Variants in YAF2 observed in about 807,000 individuals in gnomAD.
YAF2 encodes the protein YY1-associated factor 2.
In YAF2, 7 loss-of-function variants were observed where a neutral mutation model predicts 20.1. That is an observed-to-expected ratio of 0.35 (90% CI 0.20 to 0.65). YAF2 has a LOEUF of 0.65. Ranked by LOEUF, YAF2 falls within the 30% of genes least tolerant of loss-of-function variation. The pLI is 0.69. For missense variants in YAF2, 151 were observed against 219.2 expected, an observed-to-expected ratio of 0.69 and a Z score of 1.96; for synonymous variants, 74 against 76.0, an observed-to-expected ratio of 0.97 and a Z score of 0.14.
intron 2 of YAF2, among the ~76,000 whole-genome samples, chr12:42,209,821 A>T (rs539089290): frequency 6.6e-6 from 1 of 152,330 alleles, no homozygotes; most frequent in African/African-American, 2.4e-5. Flanking sequence ...TTTTTGAGAC[A>T]GAGTTTCGCT....
chr12:42,168,355 T>C (rs976242218), intron 2 of YAF2, among the ~76,000 whole-genome samples: 1 of 151,992 alleles, frequency 6.6e-6, no homozygotes, highest in Non-Finnish European at 1.5e-5. Flanking sequence ...ATTTTTTTTG[T>C]ATTTTTAGTA....
At chr12:42,189,105 C>G (rs748389442) in intron 2 of YAF2, among the ~76,000 whole-genome samples, 1 of 152,112 alleles carries the variant, frequency 6.6e-6, no homozygotes, top group Non-Finnish European at 1.5e-5. Flanking sequence ...ACAGATGGAG[C>G]TGAAAAGCAG....
intron 2 of YAF2, among the ~76,000 whole-genome samples, chr12:42,225,496 G>C (rs1036687100): frequency 5.9e-5 from 9 of 152,182 alleles, no homozygotes; most frequent in African/African-American, 2.2e-4. Flanking sequence ...TCCTTCCAGG[G>C]ATTTTATGGT....
chr12:42,189,018 C>G (rs1324801397), intron 2 of YAF2, among the ~76,000 whole-genome samples: 1 of 152,164 alleles, frequency 6.6e-6, no homozygotes, highest in African/African-American at 2.4e-5. Flanking sequence ...CTGGGAGAAT[C>G]AGAGTGGAAA....
At chr12:42,190,243 T>C (rs1308945190) in intron 2 of YAF2, among the ~76,000 whole-genome samples, 1 of 152,194 alleles carries the variant, frequency 6.6e-6, no homozygotes, top group East Asian at 1.9e-4. Flanking sequence ...ACTTTGGAAG[T>C]TGAGGAAGGA....
At chr12:42,161,554 T>TA in intron 3 of YAF2, 59 bp downstream of exon 3, 1 of 1,497,444 alleles carries the variant, frequency 6.7e-7, no homozygotes, top group Non-Finnish European at 8.9e-7. Flanking sequence ...ATGTCAAGGT[T>TA]AAAAAAATTA....
At chr12:42,195,039 T>A (rs1486437612) in intron 2 of YAF2, among the ~76,000 whole-genome samples, 1 of 152,178 alleles carries the variant, frequency 6.6e-6, no homozygotes, top group African/African-American at 2.4e-5. Flanking sequence ...GTAGTTTTAA[T>A]ATGATAGATA....
chr12:42,192,210 A>G (rs1016183778), intron 2 of YAF2, among the ~76,000 whole-genome samples: 14 of 152,218 alleles, frequency 9.2e-5, no homozygotes, highest in Non-Finnish European at 1.3e-4. Context: ...GAGCCATGTT[A>G]AAGAACCTAG....
At chr12:42,217,655 C>A (rs547205792) in intron 2 of YAF2, among the ~76,000 whole-genome samples, 1 of 152,082 alleles carries the variant, frequency 6.6e-6, no homozygotes, top group East Asian at 1.9e-4. Context: ...TATTTAATTA[C>A]CACCAAAAAA....
chr12:42,179,425 G>A lies in YAF2; in HGVS notation c.153-17660C>T, dbSNP rs545097011. On this transcript the variant is annotated intron_variant, in intron 2 of 3. Transcript: ENST00000534854. ...AAAGAGGTTTTAGTGAGCCAAGATT[G>A]CACCACTGCAGTGCAGCCTCAGCAA... 2.6e-5 allele frequency among the ~76,000 whole-genome samples: 4 copies of A among 152,316 alleles called. No individual in the cohort carries two copies. In the South Asian group the frequency reaches 8.3e-4, roughly 32 times the overall value.
At chr12:42,231,181 CTAAATA>C (rs1342892373) in intron 2 of YAF2, 1 of 152,004 alleles carries the variant, frequency 6.6e-6, no homozygotes, top group Non-Finnish European at 1.5e-5. Context: ...TGATAAAAAT[CTAAATA>C]TATTAGTTCA....
chr12:42,219,515 A>G (rs1415453657), intron 2 of YAF2, among the ~76,000 whole-genome samples: 1 of 152,176 alleles, frequency 6.6e-6, no homozygotes, highest in East Asian at 1.9e-4. Context: ...AGTGTTTGCT[A>G]AACAGAAAGG....
chr12:42,182,876 A>G (rs2066379064), intron 2 of YAF2, among the ~76,000 whole-genome samples: 1 of 152,234 alleles, frequency 6.6e-6, no homozygotes, highest in African/African-American at 2.4e-5. Context: ...CTTGAATAGC[A>G]TGAACACAAG....
chr12:42,183,387 A>G (rs1472591034), intron 2 of YAF2, among the ~76,000 whole-genome samples: 1 of 152,242 alleles, frequency 6.6e-6, no homozygotes, highest in African/African-American at 2.4e-5. Flanking sequence ...GAGACAGACC[A>G]AAAGCTAGGC....
intron 2 of YAF2, among the ~76,000 whole-genome samples, chr12:42,191,223 C>T (rs550609491): frequency 3.3e-5 from 5 of 152,302 alleles, no homozygotes; most frequent in Non-Finnish European, 5.9e-5. Context: ...ATCGTTTTCA[C>T]TCTAAACACT....
chr12:42,211,427 CAAAAAAAA>C (rs34683165), intron 2 of YAF2, among the ~76,000 whole-genome samples: 1 of 51,646 alleles, frequency 1.9e-5, no homozygotes, highest in South Asian at 9.0e-4. Flanking sequence ...ACTCTGTCTC[CAAAAAAAA>C]AAAAAAAAAA....
intron 2 of YAF2, among the ~76,000 whole-genome samples, chr12:42,208,585 G>C (rs73114403): frequency 0.017 from 2,659 of 151,992 alleles, 42 homozygotes; most frequent in Middle Eastern, 0.044. Context: ...AGCCAATAAG[G>C]GTATTAACTG....
At chr12:42,175,542 A>C (rs2137018200) in intron 2 of YAF2, among the ~76,000 whole-genome samples, 1 of 151,756 alleles carries the variant, frequency 6.6e-6, no homozygotes, top group South Asian at 2.1e-4. Context: ...CTCAAAAAAA[A>C]AAAAGCTGTC....
At chr12:42,232,411 C>T in intron 2 of YAF2, 3 of 985,206 alleles carry the variant, frequency 3.0e-6, no homozygotes, top group South Asian at 4.7e-5. Context: ...ACTTTGAAAA[C>T]CACTCTGATA....
Sources: gnomAD v4.1 joint callset for allele counts (sites outside exome capture counted in the v4.1 genomes callset) on GRCh38, gnomAD v4.1.1 for gene constraint, MANE v1.5 for transcripts, NCBI Gene and HGNC (gene_info 2026-07-23, HGNC 2026-07-21) for gene names.